The following PRPF39 variants were observed in gnomAD, a reference collection of about 807,000 sequenced individuals.
The protein encoded by PRPF39 is pre-mRNA-processing factor 39.
PRPF39 carries 27 observed loss-of-function variants against 82.1 expected under a neutral mutation model. That is an observed-to-expected ratio of 0.33 (90% CI 0.24 to 0.45). The LOEUF is 0.45. Among genes scored for constraint, PRPF39 ranks in the 20% least tolerant of loss-of-function variants. The pLI is 1.00. For synonymous variants in PRPF39, 261 were observed against 256.4 expected (o/e 1.02, Z -0.17); for missense variants, 581 against 796.9 (o/e 0.73, Z 3.26).
chr14:45,107,975 C>A (rs1653630339), intron 6 of PRPF39, among the ~76,000 whole-genome samples: 1 of 151,992 alleles, frequency 6.6e-6, no homozygotes, highest in African/African-American at 2.4e-5. Flanking sequence ...GACCTGTTAT[C>A]CCTTGACTCC....
At chr14:45,106,797 G>A (rs940567529) in intron 5 of PRPF39, among the ~76,000 whole-genome samples, 2 of 152,140 alleles carry the variant, frequency 1.3e-5, no homozygotes, top group Admixed American at 1.3e-4. Context: ...GTAGCATTTA[G>A]GGCAGGTAAG....
At position 45,114,934 on chromosome 14, in the gene PRPF39, A is replaced by T; in HGVS notation, c.*21A>T. 6.5e-7 allele frequency: 1 copy of T among 1,550,346 alleles called. No individual in the cohort carries two copies. The highest frequency in any genetic ancestry group is 2.3e-5 in the East Asian group (1 of 44,406). On this transcript the variant is annotated 3_prime_UTR_variant, in exon 14 of 14. Coordinates refer to ENST00000355765, the MANE Select transcript of PRPF39 (RefSeq NM_017922.4). ...CCTGATGGGAAAAATGTAAATTTCA[A>T]ATGCAGTGTGTGAAAAGTATGAAAT...
At chr14:45,096,816 A>G in intron 3 of PRPF39, 71 bp from the exon 4 acceptor site, 1 of 1,541,184 alleles carries the variant, frequency 6.5e-7, no homozygotes, top group Non-Finnish European at 8.8e-7. Context: ...GGTTCACCGG[A>G]TAACACAGTG....
chr14:45,095,804 A>G, intron 2 of PRPF39: 1 of 542,692 alleles, frequency 1.8e-6, no homozygotes. Context: ...TGTGTGTGTA[A>G]AATTGCTGAA....
At chr14:45,108,668 A>G in intron 7 of PRPF39, 146 bp downstream of exon 7, 2 of 1,174,132 alleles carry the variant, frequency 1.7e-6, no homozygotes, top group Non-Finnish European at 2.2e-6. Flanking sequence ...ATTTATTGTA[A>G]TCATTATCAG....
chr14:45,111,756 A>C (rs1212423990), intron 10 of PRPF39, among the ~76,000 whole-genome samples: 1 of 146,300 alleles, frequency 6.8e-6, no homozygotes, highest in African/African-American at 2.6e-5. Flanking sequence ...CTCTTGCCTC[A>C]GGCTCCCAAG....
rs779973041 is a variant in PRPF39 at position 45,114,277 on chromosome 14, G to A, written c.1832+20G>A. 1.3e-6 allele frequency: 2 copies of A among 1,541,710 alleles called. No homozygotes were observed. The highest frequency in any genetic ancestry group is 2.8e-5 in the African/African-American group (2 of 72,712). On this transcript the variant is annotated intron_variant, in intron 12 of 13. Transcript: ENST00000355765. ...AAATGGGTATGTCACTTTTTGCTAAGTCAAGAAGGCGTGCTTCATTATGGA... is the reference window on the plus strand; with the variant it reads ...AAATGGGTATGTCACTTTTTGCTAAATCAAGAAGGCGTGCTTCATTATGGA...
At chr14:45,108,642 T>G in intron 7 of PRPF39, 120 bp downstream of exon 7, 1 of 1,277,184 alleles carries the variant, frequency 7.8e-7, no homozygotes, top group Non-Finnish European at 1.0e-6. Flanking sequence ...AAGCCATAAC[T>G]TCAGATGTTT....
Position 45,110,443 on chromosome 14 carries a change from T to G in PRPF39, c.1304-106T>G. ...GTAAATATGCATGGCTGTTTCCCAT[T>G]ATTAGTTGCTGGATTTAGCCCATGG... On this transcript the variant is annotated intron_variant, in intron 9 of 13. Coordinates refer to ENST00000355765, the MANE Select transcript of PRPF39 (RefSeq NM_017922.4). The surrounding 1 kb of genome is among the most constrained non-coding windows in gnomAD (Gnocchi z 4.0). 7.8e-7 allele frequency: 1 copy of G among 1,275,874 alleles called. No homozygotes were observed. Among genetic ancestry groups the G allele is most frequent in the Non-Finnish European group, 1.1e-6 (1 of 931,096 alleles). 79.0% of individuals were successfully genotyped at this position (1,275,874 alleles called of 1,614,324 possible). A position where few individuals can be genotyped will look rare whatever the true frequency, so the allele number is the denominator to read the frequency against.
At position 45,110,026 on chromosome 14, in the gene PRPF39, G is replaced by T. The variant is rs942104903; in HGVS notation, c.1177-68G>T. 1 of 1,599,294 alleles carries T rather than the reference G, an allele frequency of 6.3e-7. No homozygotes were observed. The highest frequency in any genetic ancestry group is 8.5e-7 in the Non-Finnish European group (1 of 1,171,060). On this transcript the variant is annotated intron_variant, in intron 8 of 13. Coordinates refer to ENST00000355765, the MANE Select transcript of PRPF39 (RefSeq NM_017922.4). The surrounding 1 kb of genome is among the most constrained non-coding windows in gnomAD (Gnocchi z 4.0). ...ATGGGTTTAAAAATAGAATTTTATC[G>T]TTCTGTCACAAATTTAATGGCTTGT...
intron 1 of PRPF39, among the ~76,000 whole-genome samples, chr14:45,086,670 G>T (rs1303687595): frequency 6.6e-6 from 1 of 152,132 alleles, no homozygotes; most frequent in Non-Finnish European, 1.5e-5. Flanking sequence ...GATATTTGTT[G>T]TGCTGTTACA....
At chr14:45,085,693 T>C (rs1452859881) in intron 1 of PRPF39, among the ~76,000 whole-genome samples, 1 of 152,176 alleles carries the variant, frequency 6.6e-6, no homozygotes, top group East Asian at 1.9e-4. Flanking sequence ...GTGTGACTAC[T>C]TAGCCCTTAA....
Position 45,114,927 on chromosome 14 carries a change from A to G in PRPF39, c.*14A>G. The stretch of plus-strand genomic sequence containing the variant: ...CCTCCAACCTGATGGGAAAAATGTA[A>G]ATTTCAAATGCAGTGTGTGAAAAGT... On this transcript the variant is annotated 3_prime_UTR_variant, in exon 14 of 14. Coordinates refer to ENST00000355765, the MANE Select transcript of PRPF39 (RefSeq NM_017922.4). The G allele has an allele frequency of 6.4e-7, 1 of 1,568,126 alleles. No individual in the cohort carries two copies. Among genetic ancestry groups the G allele is most frequent in the Non-Finnish European group, 8.8e-7 (1 of 1,138,864 alleles).
chr14:45,095,056 A>T (rs575285721), intron 1 of PRPF39, among the ~76,000 whole-genome samples, 165 bp from the exon 2 acceptor site: 1 of 152,346 alleles, frequency 6.6e-6, no homozygotes, highest in African/African-American at 2.4e-5. Flanking sequence ...AATTTTATTT[A>T]CAATATAAAA....
chr14:45,101,135 A>G (rs1370763305), intron 4 of PRPF39, among the ~76,000 whole-genome samples: 1 of 152,056 alleles, frequency 6.6e-6, no homozygotes, highest in East Asian at 1.9e-4. Flanking sequence ...CTAGTTTCTT[A>G]TATTATCTTT....
rs1393485713 is a variant in PRPF39, at chr14:45,114,557, G to A, written c.1896G>A (p.Met632Ile). 6.2e-7 allele frequency: 1 copy of A among 1,608,228 alleles called. No homozygotes were observed. The highest frequency in any genetic ancestry group is 2.2e-5 in the East Asian group (1 of 44,734). ...TEDTTSSSTQ[M>I]IDGDLQANQA... ...ATACAACTTCATCATCTACACAGAT[G>A]ATTGATGGTGATTTACAGGCAAACC... is the stretch of plus-strand genomic sequence containing the variant. Residue 632 changes from methionine (M) to isoleucine (I), a missense_variant, in exon 13 of 14, where the codon ATG (methionine) becomes ATA (isoleucine). Met to Ile is a conservative substitution (Grantham distance 10). Coordinates refer to ENST00000355765, the MANE Select transcript of PRPF39 (RefSeq NM_017922.4).
intron 6 of PRPF39, 132 bp downstream of exon 6, chr14:45,107,748 GTGAAACCCT>G: frequency 1.2e-6 from 1 of 828,748 alleles, no homozygotes; most frequent in Non-Finnish European, 1.8e-6. Flanking sequence ...AGGCAACATG[GTGAAACCCT>G]GTCTATACTA....
At chr14:45,103,164 G>T (rs1884425570) in intron 5 of PRPF39, among the ~76,000 whole-genome samples, 1 of 152,012 alleles carries the variant, frequency 6.6e-6, no homozygotes, top group African/African-American at 2.4e-5. Context: ...ATAGTAAGTA[G>T]TATCTATTTT....
At chr14:45,092,356 G>A (rs1469492689) in intron 1 of PRPF39, among the ~76,000 whole-genome samples, 2 of 151,974 alleles carry the variant, frequency 1.3e-5, no homozygotes, top group Non-Finnish European at 2.9e-5. Flanking sequence ...TAATCCCAGC[G>A]CTTTGGGAGG....
Sources: gnomAD v4.1 joint callset for allele counts (sites outside exome capture counted in the v4.1 genomes callset) on GRCh38, gnomAD v4.1.1 for gene constraint, Gnocchi (gnomAD v3.1) non-coding constraint, MANE v1.5 for transcripts, NCBI Gene and HGNC (gene_info 2026-07-23, HGNC 2026-07-21) for gene names.